The following SPATA13 variants were observed in gnomAD, a reference collection of about 807,000 sequenced individuals.
SPATA13 encodes the protein spermatogenesis-associated protein 13.
SPATA13 carries 50 observed loss-of-function variants against 104.0 expected under a neutral mutation model. The ratio of observed to expected loss-of-function variants is 0.48; its 90% confidence interval spans 0.38 to 0.61. The LOEUF is 0.61. SPATA13 is among the 20% of genes least tolerant of loss of function. SPATA13 has a pLI of 0.00. For missense variants in SPATA13, 1,524 were observed against 1,690.6 expected, an observed-to-expected ratio of 0.90 and a Z score of 1.73; for synonymous variants, 606 against 667.5, an observed-to-expected ratio of 0.91 and a Z score of 1.42.
intron 1 of SPATA13, among the ~76,000 whole-genome samples, chr13:24,172,720 A>G (rs781222220): frequency 2.0e-5 from 3 of 152,214 alleles, no homozygotes; most frequent in Non-Finnish European, 2.9e-5. Context: ...CTATATGTCT[A>G]TACCTCAGCC....
chr13:24,117,770 A>G (rs961246924), intron 3 of SPATA13, among the ~76,000 whole-genome samples: 1 of 152,200 alleles, frequency 6.6e-6, no homozygotes, highest in Non-Finnish European at 1.5e-5. Context: ...TGTTAATTTC[A>G]TTCACTTATG....
rs189368227 is a variant in SPATA13, at chr13:24,240,825, G to A, written c.1654-8652G>A. ...GTTTTTCGCATCTTTTATCATCCAC[G>A]TAACACATTCAAGGACAATTGTATC... On this transcript the variant is annotated intron_variant, in intron 2 of 12. Coordinates refer to ENST00000382108, the MANE Select transcript of SPATA13 (RefSeq NM_001166271.3). 4.0e-3 allele frequency among the ~76,000 whole-genome samples: 607 copies of A among 152,202 alleles called. 2 individuals carry two copies. The highest frequency in any genetic ancestry group is 0.013 in the African/African-American group (554 of 41,506).
chr13:24,039,866 C>T (rs1168305390), intron 3 of SPATA13, among the ~76,000 whole-genome samples: 1 of 152,220 alleles, frequency 6.6e-6, no homozygotes, highest in Non-Finnish European at 1.5e-5. Context: ...CTTTCAGTTA[C>T]CTCTAGCACC....
intron 2 of SPATA13, among the ~76,000 whole-genome samples, chr13:24,014,035 T>C (rs1330230446): frequency 6.6e-6 from 1 of 152,194 alleles, no homozygotes; most frequent in Non-Finnish European, 1.5e-5. Context: ...ATACGCTTGC[T>C]AGGGCTGCTG....
At chr13:24,270,857 G>A (rs1222733633) in intron 4 of SPATA13, 1 of 1,612,868 alleles carries the variant, frequency 6.2e-7, no homozygotes, top group South Asian at 1.1e-5. Flanking sequence ...CAAACAGAAG[G>A]ATGGTAGCTA....
chr13:24,098,069 A>G (rs1880139839), intron 3 of SPATA13, among the ~76,000 whole-genome samples: 1 of 152,206 alleles, frequency 6.6e-6, no homozygotes, highest in South Asian at 2.1e-4. Flanking sequence ...CTAGAAGGCT[A>G]TTAAAGACCA....
chr13:24,244,427 C>T (rs2138649948), intron 2 of SPATA13, among the ~76,000 whole-genome samples: 1 of 152,324 alleles, frequency 6.6e-6, no homozygotes, highest in South Asian at 2.1e-4. Flanking sequence ...TAATAGTTTG[C>T]TTTCACTGTG....
chr13:24,076,938 C>G (rs1879349787), intron 3 of SPATA13, among the ~76,000 whole-genome samples: 1 of 152,000 alleles, frequency 6.6e-6, no homozygotes, highest in African/African-American at 2.4e-5. Flanking sequence ...TTCAACCTCG[C>G]CTTATTCCTA....
chr13:24,132,933 C>T (rs1283720057), intron 3 of SPATA13, among the ~76,000 whole-genome samples: 1 of 151,636 alleles, frequency 6.6e-6, no homozygotes, highest in Non-Finnish European at 1.5e-5. Flanking sequence ...CAAGATTGTA[C>T]CACTGTACTT....
At chr13:24,193,464 G>A (rs941226117) in intron 1 of SPATA13, among the ~76,000 whole-genome samples, 4 of 152,190 alleles carry the variant, frequency 2.6e-5, no homozygotes, top group African/African-American at 7.2e-5. Flanking sequence ...TGAGGCCTGC[G>A]GGGGGTGCTC....
intron 3 of SPATA13, among the ~76,000 whole-genome samples, chr13:24,154,372 C>A (rs1882195605): frequency 2.6e-5 from 4 of 152,160 alleles, no homozygotes; most frequent in African/African-American, 9.7e-5. Context: ...AAGTGTTACA[C>A]AGAGCAACAT....
chr13:24,072,419 C>G, intron 3 of SPATA13, among the ~76,000 whole-genome samples: 1 of 152,138 alleles, frequency 6.6e-6, no homozygotes, highest in South Asian at 2.1e-4. Flanking sequence ...TCGCATTGAG[C>G]CTGAGGCAGG....
rs756684808 is a variant in SPATA13, at chr13:24,294,857, G to A, written c.3199G>A (p.Val1067Met). The A allele has an allele frequency of 8.1e-6, 13 of 1,608,066 alleles. No homozygotes were observed. The highest frequency in any genetic ancestry group is 2.7e-5 in the African/African-American group (2 of 74,884). Residue 1067 changes from valine to methionine, a missense_variant, in exon 10 of 13, where the codon GTG becomes ATG. Around this residue, in one of 2 missense-constraint regions of SPATA13, gnomAD observed 435 missense variants for 554.8 expected, o/e 0.78. Coordinates refer to ENST00000382108, the MANE Select transcript of SPATA13 (RefSeq NM_001166271.3). ...DKIARWQVSI[V>M]GWEGLDILDR... Reference sequence around the variant, plus strand: ...GATAGCTCGCTGGCAGGTGTCTATCGTGGGCTGGGAGGTAAGTGGAAAGCA... The same window carrying A: ...GATAGCTCGCTGGCAGGTGTCTATCATGGGCTGGGAGGTAAGTGGAAAGCA...
chr13:24,042,183 G>A (rs548544677), intron 3 of SPATA13, among the ~76,000 whole-genome samples: 1 of 152,252 alleles, frequency 6.6e-6, no homozygotes, highest in East Asian at 1.9e-4. Context: ...TTGTGAGAGA[G>A]AAAGCAGGGT....
chr13:23,984,497 C>T (rs1875055529), intron 2 of SPATA13, among the ~76,000 whole-genome samples: 2 of 152,194 alleles, frequency 1.3e-5, no homozygotes, highest in African/African-American at 2.4e-5. Context: ...TCTATCATGG[C>T]CCCGCGCAGC....
chr13:24,250,865 A>G (rs116035566), intron 3 of SPATA13, among the ~76,000 whole-genome samples: 7,092 of 152,334 alleles, frequency 0.047, 208 homozygotes, highest in Non-Finnish European at 0.058. Flanking sequence ...ATAGTCCAGG[A>G]TGCTCCACAG....
intron 2 of SPATA13, among the ~76,000 whole-genome samples, chr13:24,003,065 T>C (rs1002539080): frequency 6.6e-6 from 1 of 152,220 alleles, no homozygotes; most frequent in Admixed American, 6.5e-5. Flanking sequence ...GGCCATTGAC[T>C]CAGTCTTCCG....
intron 3 of SPATA13, among the ~76,000 whole-genome samples, chr13:24,119,773 G>C (rs76014198): frequency 6.6e-6 from 1 of 152,154 alleles, no homozygotes; most frequent in African/African-American, 2.4e-5. Context: ...GCCAAGGAAG[G>C]AAGCCTGGGA....
At chr13:23,984,468 A>G (rs1289148784) in intron 2 of SPATA13, among the ~76,000 whole-genome samples, 2 of 152,172 alleles carry the variant, frequency 1.3e-5, no homozygotes, top group Non-Finnish European at 2.9e-5. Flanking sequence ...AACCGTGTGC[A>G]TTGTTCTAGG....
Sources: gnomAD v4.1 joint callset for allele counts (sites outside exome capture counted in the v4.1 genomes callset) on GRCh38, gnomAD v4.1.1 for gene constraint, gnomAD v4.1.1 regional missense constraint, MANE v1.5 for transcripts, NCBI Gene and HGNC (gene_info 2026-07-23, HGNC 2026-07-21) for gene names.